PKD1: variants seen among roughly 807,000 people sequenced by gnomAD.
PKD1 encodes polycystin 1, transient receptor potential channel interacting.
A neutral mutation model predicts 361.7 loss-of-function variants in PKD1; 81 were observed. The observed-to-expected ratio is 0.22, with a 90% confidence interval of 0.19 to 0.27. The LOEUF is 0.27. Among genes scored for constraint, PKD1 ranks in the 10% least tolerant of loss-of-function variants. PKD1 has a pLI of 1.00. For missense variants in PKD1, 6,399 were observed against 6,118.3 expected (o/e 1.05, Z -1.53); for synonymous variants, 3,615 against 2,818.3 (o/e 1.28, Z -8.95).
chr16:2,116,845 G>A lies in PKD1; in HGVS notation c.1594C>T (p.Leu532=). 6.5e-7 allele frequency: 1 copy of A among 1,529,054 alleles called. No homozygotes were observed. The highest frequency in any genetic ancestry group is 8.8e-7 in the Non-Finnish European group (1 of 1,141,550). 94.7% of individuals were successfully genotyped at this position (1,529,054 alleles called of 1,614,324 possible). A position where few individuals can be genotyped will look rare whatever the true frequency, so the allele number is the denominator to read the frequency against. The part of the protein sequence containing the change: ...CSAPHSYVCE[L]QPGGPVQDAE... ...GCCCCCCGCACACCTCCGGGCTGCA[G>A]CTCGCAGACGTAGCTGTGCGGCGCT... Residue 532 remains leucine (L), a synonymous_variant, in exon 7 of 46, where the codon CTG becomes TTG. Coordinates refer to ENST00000262304, the MANE Select transcript of PKD1 (RefSeq NM_001009944.3).
At chr16:2,121,068 AAGG>A (rs1159969985) in intron 1 of PKD1, among the ~76,000 whole-genome samples, 2 of 151,978 alleles carry the variant, frequency 1.3e-5, no homozygotes, top group East Asian at 3.9e-4. Flanking sequence ...GAGAGAAGAA[AAGG>A]AGAAGGGGAA....
chr16:2,113,137 C>T lies in PKD1; in HGVS notation c.2985+24G>A, dbSNP rs1245052439. On this transcript the variant is annotated intron_variant, in intron 12 of 45. Transcript: ENST00000262304. Reference sequence around the variant, plus strand: ...CCGCCCTGCCCCGCCCCATCCCCTCCCCTCCCCACCCCCGCCCACCTACTG... The same window carrying T: ...CCGCCCTGCCCCGCCCCATCCCCTCTCCTCCCCACCCCCGCCCACCTACTG... 12 of 709,040 alleles carry T rather than the reference C, an allele frequency of 1.7e-5. No individual in the cohort carries two copies. The African/African-American group carries it at 1.8e-4, about 11-fold the overall frequency. The allele number at this position is 709,040 out of a possible 1,614,324, so 43.9% of individuals were successfully genotyped here. A position where few individuals can be genotyped will look rare whatever the true frequency, so the allele number is the denominator to read the frequency against.
In PKD1 at chr16:2,093,491, G is replaced by A. The variant is rs767863007; in HGVS notation, c.11016+53C>T. The A allele has an allele frequency of 9.5e-5, 143 of 1,502,210 alleles. 1 individual carries two copies. Among genetic ancestry groups the A allele is most frequent in the Admixed American group, 9.6e-5 (5 of 52,146 alleles). 93.1% of individuals were successfully genotyped at this position (1,502,210 alleles called of 1,614,324 possible). ...GAGTGTCCTGCGTGCATGGGTGGGA[G>A]GTGGGAGACAAGAGACGGAGGTGGC... is the stretch of plus-strand genomic sequence containing the variant. On this transcript the variant is annotated intron_variant, in intron 37 of 45. Coordinates refer to ENST00000262304, the MANE Select transcript of PKD1 (RefSeq NM_001009944.3).
rs756212622 is a variant in PKD1, at chr16:2,090,348, G to T, written c.12381C>A (p.Tyr4127Ter). Residue 4127 changes from tyrosine (Y) to a stop codon, truncating the protein, a stop_gained, in exon 45 of 46, where the codon TAC becomes TAA. Coordinates refer to ENST00000262304, the MANE Select transcript of PKD1 (RefSeq NM_001009944.3). LOFTEE classifies it high-confidence loss of function. ...LYRPAWEPQD[Y>*]EMVELFLRRL... is the part of the protein sequence containing the mutation. Reference sequence around the variant, plus strand: ...TGCGCAGGAACAACTCCACCATCTCGTAGTCCTGGGGCTCCCAGGCCGGCC... The same window carrying T: ...TGCGCAGGAACAACTCCACCATCTCTTAGTCCTGGGGCTCCCAGGCCGGCC... 6.2e-7 allele frequency: 1 copy of T among 1,612,368 alleles called. No homozygotes were observed. Among genetic ancestry groups the T allele is most frequent in the Non-Finnish European group, 8.5e-7 (1 of 1,179,838 alleles).
rs770331568 is a variant in PKD1, at chr16:2,109,363, C to T, written c.5804G>A (p.Arg1935His). 36 of 1,591,634 alleles carry T rather than the reference C, an allele frequency of 2.3e-5. No homozygotes were observed. Among genetic ancestry groups the T allele is most frequent in the South Asian group, 5.5e-5 (5 of 90,672 alleles). Residue 1935 changes from arginine to histidine, a missense_variant, in exon 15 of 46, where the codon CGT (arginine) becomes CAT (histidine). By Grantham distance (29) the Arg-to-His change is conservative. Transcript: ENST00000262304. ...GACGCGGGGGAAGCTGTGGGAGAAA[C>T]GGGGCCCGGGGAGCACCTCGGGGTT... ...GANPEVLPGP[R>H]FSHSFPRVGD...
intron 1 of PKD1, among the ~76,000 whole-genome samples, chr16:2,134,781 G>A (rs913311649): frequency 1.6e-4 from 24 of 149,932 alleles, no homozygotes; most frequent in African/African-American, 5.9e-4. Flanking sequence ...CTCCATAAAG[G>A]CCACCTGTTG....
chr16:2,093,486 T>G, intron 37 of PKD1, 58 bp downstream of exon 37: 1 of 1,468,012 alleles, frequency 6.8e-7, no homozygotes, highest in East Asian at 2.4e-5. Context: ...CGTGCATGGG[T>G]GGGAGGTGGG....
Position 2,116,838 on chromosome 16 carries a change from G to A in PKD1, c.1601C>T (p.Pro534Leu), listed in dbSNP as rs559299248. The part of the protein sequence containing the change: ...APHSYVCELQ[P>L]GGPVQDAENL... ...CTGCCTGGCCCCCCGCACACCTCCGGGCTGCAGCTCGCAGACGTAGCTGTG... is the reference window on the plus strand; with the variant it reads ...CTGCCTGGCCCCCCGCACACCTCCGAGCTGCAGCTCGCAGACGTAGCTGTG... Residue 534 changes from proline (P) to leucine (L), a missense_variant, in exon 7 of 46, where the codon CCC becomes CTC. Transcript: ENST00000262304. 69 of 1,528,194 alleles carry A rather than the reference G, an allele frequency of 4.5e-5. No individual in the cohort carries two copies. In the East Asian group the frequency reaches 1.6e-3, roughly 36 times the overall value. 94.7% of individuals were successfully genotyped at this position (1,528,194 alleles called of 1,614,324 possible).
At chr16:2,133,445 C>G (rs868681874) in intron 1 of PKD1, among the ~76,000 whole-genome samples, 1 of 146,208 alleles carries the variant, frequency 6.8e-6, no homozygotes, top group Non-Finnish European at 1.5e-5. Context: ...GACAGCAACG[C>G]TCTTGGACCC....
rs545478377 is a variant in PKD1, at chr16:2,096,579, G to A, written c.10499+569C>T. ...TGCCCAGGCTGGAGTGCAGTGGCGC[G>A]ATCTCGGCTCACTACAACCTTCACC... On this transcript the variant is annotated intron_variant, in intron 34 of 45. Coordinates refer to ENST00000262304, the MANE Select transcript of PKD1 (RefSeq NM_001009944.3). Among the ~76,000 whole-genome samples, 5 of 152,210 alleles carry A rather than the reference G, an allele frequency of 3.3e-5. No homozygotes were observed. The East Asian group carries it at 7.7e-4, about 23-fold the overall frequency.
chr16:2,104,883 C>A (rs184881828), intron 21 of PKD1, among the ~76,000 whole-genome samples: 1 of 23,554 alleles, frequency 4.2e-5, no homozygotes, highest in African/African-American at 1.6e-4. Context: ...CACATGAGAG[C>A]GGAGGAGGAG....
chr16:2,120,212 A>T (rs1203779810), intron 1 of PKD1: 1 of 272,702 alleles, frequency 3.7e-6, no homozygotes, highest in Admixed American at 4.8e-5. Flanking sequence ...ACTCTACCTC[A>T]AAAATAAATA....
Position 2,111,660 on chromosome 16 carries a change from G to T in PKD1, c.3507C>A (p.Val1169=). ...TGGCAGCCGGCTGGCTCTGGGTCAG[G>T]ACAGGGGAGCCGTCCCCGAAGTCCC... ...YTWDFGDGSP[V]LTQSQPAANH... is the part of the protein sequence containing the mutation. Residue 1169 remains valine, a synonymous_variant, in exon 15 of 46, where the codon GTC becomes GTA. Coordinates refer to ENST00000262304, the MANE Select transcript of PKD1 (RefSeq NM_001009944.3). 1.3e-6 allele frequency: 2 copies of T among 1,574,304 alleles called. No homozygotes were observed. The highest frequency in any genetic ancestry group is 1.7e-6 in the Non-Finnish European group (2 of 1,161,304).
At chr16:2,125,463 A>G (rs1410979207) in intron 1 of PKD1, among the ~76,000 whole-genome samples, 1 of 152,226 alleles carries the variant, frequency 6.6e-6, no homozygotes, top group Non-Finnish European at 1.5e-5. Context: ...GATCCCTCCC[A>G]CGGCTGAACT....
At chr16:2,101,518 C>T (rs559293817) in intron 26 of PKD1, among the ~76,000 whole-genome samples, 3 of 152,190 alleles carry the variant, frequency 2.0e-5, no homozygotes, top group East Asian at 1.9e-4. Context: ...TCAGGAGAAT[C>T]GCTTAAGGGG....
At chr16:2,129,170 T>G (rs866154397) in intron 1 of PKD1, among the ~76,000 whole-genome samples, 4 of 151,576 alleles carry the variant, frequency 2.6e-5, no homozygotes, top group Admixed American at 2.0e-4. Context: ...CTGTTTTTTT[T>G]TTTTTTTTTT....
intron 25 of PKD1, 22 bp from the exon 26 acceptor site, chr16:2,102,278 G>A (rs777972325): frequency 6.8e-7 from 1 of 1,478,438 alleles, no homozygotes; most frequent in East Asian, 2.4e-5. Context: ...CAGCCGCCGG[G>A]CCCAGGAGGT....
intron 1 of PKD1, among the ~76,000 whole-genome samples, chr16:2,121,123 TG>T: frequency 6.6e-6 from 1 of 151,560 alleles, no homozygotes; most frequent in South Asian, 2.1e-4. Flanking sequence ...CCCAGCACTT[TG>T]GGAGGCTGAG....
chr16:2,101,098 G>A (rs192885016), intron 26 of PKD1, among the ~76,000 whole-genome samples: 1 of 152,072 alleles, frequency 6.6e-6, no homozygotes, highest in Non-Finnish European at 1.5e-5. Context: ...CCATTCTCCT[G>A]CCTCAGTCTC....
Sources: gnomAD v4.1 joint callset for allele counts (sites outside exome capture counted in the v4.1 genomes callset) on GRCh38, gnomAD v4.1.1 for gene constraint, MANE v1.5 for transcripts, NCBI Gene and HGNC (gene_info 2026-07-23, HGNC 2026-07-21) for gene names.